Variants in GALNTL6 observed in about 807,000 individuals in gnomAD.
The protein encoded by GALNTL6 is polypeptide N-acetylgalactosaminyltransferase like 6.
GALNTL6 carries 46 observed loss-of-function variants against 73.7 expected under a neutral mutation model. The ratio of observed to expected loss-of-function variants is 0.62; its 90% confidence interval spans 0.49 to 0.80. GALNTL6 has a LOEUF of 0.80. GALNTL6 is among the 30% of genes least tolerant of loss of function. The pLI is 0.00. For missense variants in GALNTL6, 604 were observed against 755.0 expected (o/e 0.80, Z 2.34); for synonymous variants, 259 against 263.7 (o/e 0.98, Z 0.17).
chr4:172,890,267 A>G (rs1024389872), intron 8 of GALNTL6, among the ~76,000 whole-genome samples: 31 of 151,682 alleles, frequency 2.0e-4, no homozygotes, highest in Admixed American at 1.3e-4. Context: ...TTCTGCTCTG[A>G]TTTCATTATT....
At chr4:171,942,785 A>G (rs1738589618) in intron 2 of GALNTL6, among the ~76,000 whole-genome samples, 1 of 152,188 alleles carries the variant, frequency 6.6e-6, no homozygotes, top group Admixed American at 6.5e-5. Flanking sequence ...TCAATTACGA[A>G]TGGGTCAGCT....
chr4:172,489,143 T>A (rs1323676155), intron 5 of GALNTL6, among the ~76,000 whole-genome samples: 2 of 152,146 alleles, frequency 1.3e-5, no homozygotes, highest in East Asian at 3.9e-4. Flanking sequence ...CTCTAATTAA[T>A]CTCAATGCCA....
intron 5 of GALNTL6, among the ~76,000 whole-genome samples, chr4:172,806,352 G>A (rs1260835926): frequency 6.6e-6 from 1 of 152,146 alleles, no homozygotes; most frequent in African/African-American, 2.4e-5. Flanking sequence ...AAATTAAAAT[G>A]GGCTTTGATA....
intron 5 of GALNTL6, among the ~76,000 whole-genome samples, chr4:172,422,770 C>T (rs895865933): frequency 4.6e-5 from 7 of 151,678 alleles, no homozygotes; most frequent in Admixed American, 1.3e-4. Flanking sequence ...GTTCCAAAAC[C>T]TATTCTGCCA....
intron 10 of GALNTL6, among the ~76,000 whole-genome samples, chr4:172,977,633 G>A (rs1271057562): frequency 6.6e-6 from 1 of 152,164 alleles, no homozygotes; most frequent in South Asian, 2.1e-4. Flanking sequence ...GAGGATTCAT[G>A]GCAGGCTGCT....
chr4:172,257,864 C>G (rs1738134688), intron 3 of GALNTL6, among the ~76,000 whole-genome samples: 1 of 151,228 alleles, frequency 6.6e-6, no homozygotes, highest in African/African-American at 2.4e-5. Context: ...AATATATGTA[C>G]TGTTGATTTC....
intron 2 of GALNTL6, among the ~76,000 whole-genome samples, chr4:171,984,755 T>C (rs1740015373): frequency 6.6e-6 from 1 of 152,148 alleles, no homozygotes; most frequent in South Asian, 2.1e-4. Context: ...CTTAGATTAA[T>C]GGGGGTATTT....
chr4:171,926,820 T>C (rs975898150), intron 2 of GALNTL6, among the ~76,000 whole-genome samples: 5 of 152,162 alleles, frequency 3.3e-5, no homozygotes, highest in Admixed American at 6.6e-5. Flanking sequence ...CCTTCCTGAT[T>C]AGCAAATTAT....
intron 2 of GALNTL6, among the ~76,000 whole-genome samples, chr4:171,904,325 G>C (rs1247680793): frequency 1.3e-5 from 2 of 151,992 alleles, no homozygotes; most frequent in Non-Finnish European, 1.5e-5. Flanking sequence ...GAAAACCAAG[G>C]CTCGAGAACT....
At chr4:172,061,565 G>C (rs1255654531) in intron 2 of GALNTL6, among the ~76,000 whole-genome samples, 3 of 152,100 alleles carry the variant, frequency 2.0e-5, no homozygotes, top group African/African-American at 7.2e-5. Flanking sequence ...CTTGATAAAA[G>C]ACTTTTGAAA....
chr4:172,576,267 G>A (rs565536121), intron 5 of GALNTL6, among the ~76,000 whole-genome samples: 1 of 152,060 alleles, frequency 6.6e-6, no homozygotes, highest in East Asian at 1.9e-4. Context: ...GGGAGACTGT[G>A]CTGGGTATTC....
intron 2 of GALNTL6, among the ~76,000 whole-genome samples, chr4:172,009,807 T>A (rs1740951015): frequency 6.6e-6 from 1 of 152,064 alleles, no homozygotes; most frequent in South Asian, 2.1e-4. Context: ...AAATAGAGGG[T>A]TACATAAGAC....
chr4:171,988,417 T>C (rs1579036249), intron 2 of GALNTL6, among the ~76,000 whole-genome samples: 1 of 152,088 alleles, frequency 6.6e-6, no homozygotes, highest in East Asian at 1.9e-4. Context: ...ACAGCCCAGG[T>C]AATTTGCTGA....
At chr4:172,170,742 C>T (rs1734791658) in intron 2 of GALNTL6, among the ~76,000 whole-genome samples, 1 of 152,012 alleles carries the variant, frequency 6.6e-6, no homozygotes, top group Non-Finnish European at 1.5e-5. Context: ...AACTCCTGAC[C>T]TCAAGTCAGG....
At chr4:172,004,272 A>T (rs1176118459) in intron 2 of GALNTL6, among the ~76,000 whole-genome samples, 1 of 152,148 alleles carries the variant, frequency 6.6e-6, no homozygotes, top group African/African-American at 2.4e-5. Context: ...CTGATGGGTG[A>T]GAAGGGAGGG....
intron 10 of GALNTL6, among the ~76,000 whole-genome samples, chr4:172,996,017 C>A (rs1751762036): frequency 6.6e-6 from 1 of 152,138 alleles, no homozygotes; most frequent in African/African-American, 2.4e-5. Context: ...AAAAATTTAA[C>A]TGTGGTAGAA....
chr4:172,362,259 G>GAGAATGA (rs1742396445), intron 5 of GALNTL6, among the ~76,000 whole-genome samples: 1 of 151,984 alleles, frequency 6.6e-6, no homozygotes, highest in African/African-American at 2.4e-5. Context: ...TGTACAACTA[G>GAGAATGA]CATTTCAAAG....
At chr4:171,932,281 A>G (rs1386910501) in intron 2 of GALNTL6, among the ~76,000 whole-genome samples, 1 of 152,254 alleles carries the variant, frequency 6.6e-6, no homozygotes, top group Non-Finnish European at 1.5e-5. Flanking sequence ...CAAGGTTACT[A>G]CAACAATTTT....
At chr4:172,889,756 G>A (rs1745927164) in intron 8 of GALNTL6, among the ~76,000 whole-genome samples, 1 of 152,094 alleles carries the variant, frequency 6.6e-6, no homozygotes, top group Non-Finnish European at 1.5e-5. Context: ...ACATCAGGGT[G>A]ATACTAGTTT....
Sources: allele counts gnomAD v4.1 joint callset (sites outside exome capture counted in the v4.1 genomes callset), GRCh38; gene constraint gnomAD v4.1.1; transcripts MANE v1.5; gene names NCBI Gene and HGNC (gene_info 2026-07-23, HGNC 2026-07-21).